The following SLX4 variants were observed in gnomAD, a reference collection of about 807,000 sequenced individuals.
SLX4 encodes the protein SLX4 structure-specific endonuclease subunit, also known as structure-specific endonuclease subunit SLX4.
A neutral mutation model predicts 146.2 loss-of-function variants in SLX4; 112 were observed. That is an observed-to-expected ratio of 0.77 (90% CI 0.66 to 0.90). SLX4 has a LOEUF of 0.90. Among genes scored for constraint, SLX4 ranks in the 40% least tolerant of loss-of-function variants. SLX4 has a pLI of 0.00. For missense variants in SLX4, 2,563 were observed against 2,392.7 expected, an observed-to-expected ratio of 1.07 and a Z score of -1.49; for synonymous variants, 1,061 against 997.7, an observed-to-expected ratio of 1.06 and a Z score of -1.20.
chr16:3,582,407 G>A lies in SLX4; in HGVS notation c.5440C>T (p.Arg1814Cys), dbSNP rs767720336. The stretch of plus-strand genomic sequence containing the variant: ...CTCCTGCCCTGGAGCTTCTCCCTGC[G>A]GGTGGCGGCAGTGGTGAAGGTGATA... ...HCITFTTAAT[R>C]REKLQGRRRQ... Residue 1814 changes from arginine (R) to cysteine (C), a missense_variant, in exon 15 of 15, where the codon CGC (arginine) becomes TGC (cysteine). Physicochemically the swap from Arg to Cys is radical, Grantham distance 180 (BLOSUM62 -3). Coordinates refer to ENST00000294008, the MANE Select transcript of SLX4 (RefSeq NM_032444.4). The A allele has an allele frequency of 4.3e-5, 69 of 1,613,748 alleles. No homozygotes were observed. Among genetic ancestry groups the A allele is most frequent in the Middle Eastern group, 1.6e-4 (1 of 6,062 alleles).
chr16:3,606,688 G>C lies in SLX4; in HGVS notation c.546C>G (p.Pro182=). The change falls in exon 3 of 15, where the codon CCC becomes CCG. Residue 182 remains proline, a synonymous_variant. Coordinates refer to ENST00000294008, the MANE Select transcript of SLX4 (RefSeq NM_032444.4). ...AAGGAGGAGGCTGGGAGTCGCTGTT[G>C]GGCACATTCTCTGGCAAGGAGGAAA... ...LSREKTRENV[P]NSDSQPPPSC... The C allele has an allele frequency of 6.2e-7, 1 of 1,614,078 alleles. No homozygotes were observed. Among genetic ancestry groups the C allele is most frequent in the Non-Finnish European group, 8.5e-7 (1 of 1,180,032 alleles).
At chr16:3,599,553 G>C (rs867224718) in intron 5 of SLX4, among the ~76,000 whole-genome samples, 1 of 152,172 alleles carries the variant, frequency 6.6e-6, no homozygotes, top group African/African-American at 2.4e-5. Context: ...TAAAAAATAG[G>C]GTCCTACACT....
chr16:3,601,556 C>T (rs969429757), intron 4 of SLX4: 1 of 358,162 alleles, frequency 2.8e-6, no homozygotes, highest in Non-Finnish European at 5.3e-6. Flanking sequence ...CAAATGTCCG[C>T]CAATGGACGA....
rs376204133 is a variant in SLX4 at position 3,591,019 on chromosome 16, G to A, written c.2619C>T (p.Ala873=). 1.2e-5 allele frequency: 20 copies of A among 1,614,132 alleles called. No homozygotes were observed. The highest frequency in any genetic ancestry group is 8.8e-5 in the South Asian group (8 of 91,080). ...KLLQEERAAG[A]GEDADWLEGG... ...CCTCCAGCCAGTCAGCGTCCTCGCC[G>A]GCACCCGCTGCCCTTTCTTCCTGGA... is the stretch of plus-strand genomic sequence containing the variant. Residue 873 remains alanine (A), a synonymous_variant, in exon 12 of 15, where the codon GCC becomes GCT. Coordinates refer to ENST00000294008, the MANE Select transcript of SLX4 (RefSeq NM_032444.4).
At chr16:3,595,773 C>T in intron 8 of SLX4, 80 bp from the exon 9 acceptor site, 1 of 1,528,412 alleles carries the variant, frequency 6.5e-7, no homozygotes, top group Non-Finnish European at 9.0e-7. Flanking sequence ...TGACCACAGG[C>T]TGAGCCAGCC....
chr16:3,600,450 C>A (rs2040713212), intron 5 of SLX4, among the ~76,000 whole-genome samples: 1 of 152,116 alleles, frequency 6.6e-6, no homozygotes. Context: ...CTGCACCCCC[C>A]TAAAGGGGCA....
At chr16:3,601,962 G>GT in intron 4 of SLX4, 156 bp downstream of exon 4, 1 of 789,740 alleles carries the variant, frequency 1.3e-6, no homozygotes, top group Non-Finnish European at 2.1e-6. Flanking sequence ...TCTGTGAATT[G>GT]TATCTCAACG....
chr16:3,591,849 C>G (rs1021467902), intron 11 of SLX4, among the ~76,000 whole-genome samples: 1 of 152,128 alleles, frequency 6.6e-6, no homozygotes, highest in Non-Finnish European at 1.5e-5. Context: ...CAGCAAGAGA[C>G]TCTGTCTCTA....
Position 3,609,499 on chromosome 16 carries a change from C to G in SLX4, c.-535G>C, listed in dbSNP as rs960781412. 6.4e-6 allele frequency: 1 copy of G among 155,894 alleles called. No individual in the cohort carries two copies. The highest frequency in any genetic ancestry group is 2.4e-5 in the African/African-American group (1 of 41,446). The allele number at this position is 155,894 out of a possible 1,614,324, so 9.7% of individuals were successfully genotyped here. On this transcript the variant is annotated 5_prime_UTR_variant, in exon 2 of 15. Transcript: ENST00000294008. ...CCTCTGAGATCGAATACATATGAACCTGGTGCTCAGATAATTCTCCAAGAT... is the reference window on the plus strand; with the variant it reads ...CCTCTGAGATCGAATACATATGAACGTGGTGCTCAGATAATTCTCCAAGAT...
intron 3 of SLX4, among the ~76,000 whole-genome samples, chr16:3,604,547 G>A (rs2040762439): frequency 6.6e-6 from 1 of 152,088 alleles, no homozygotes; most frequent in African/African-American, 2.4e-5. Flanking sequence ...GCTTGGCTAG[G>A]CACGGTGGCT....
intron 1 of SLX4, among the ~76,000 whole-genome samples, chr16:3,610,290 T>C (rs185004844): frequency 8.5e-5 from 13 of 152,354 alleles, no homozygotes; most frequent in Non-Finnish European, 1.6e-4. Flanking sequence ...GCTGGCGCAT[T>C]CTCTTCTGTG....
Position 3,591,072 on chromosome 16 carries a change from C to T in SLX4, c.2566G>A (p.Glu856Lys). ...AGCTTTCGCTGAGTAGCTGCAAATTCATAAATTTCTTCCATTTCTGCTTCA... is the reference window on the plus strand; with the variant it reads ...AGCTTTCGCTGAGTAGCTGCAAATTTATAAATTTCTTCCATTTCTGCTTCA... ...VNEAEMEEIY[E>K]FAATQRKLLQ... Residue 856 changes from glutamate (E) to lysine (K), a missense_variant, in exon 12 of 15, where the codon GAA becomes AAA. By Grantham distance (56) the Glu-to-Lys change is moderately conservative. Transcript: ENST00000294008. 1 of 1,614,154 alleles carries T rather than the reference C, an allele frequency of 6.2e-7. No homozygotes were observed. Among genetic ancestry groups the T allele is most frequent in the Non-Finnish European group, 8.5e-7 (1 of 1,180,032 alleles).
In SLX4 at chr16:3,589,015, C is replaced by A; in HGVS notation, c.4623G>T (p.Gly1541=). The stretch of plus-strand genomic sequence containing the variant: ...CTGGCTACTCACTGGGTGTCTCTAA[C>A]CCTTCGGGCTTCTGAGCTCCACCAG... ...PSAGGAQKPE[G]LETPKGANRK... is the part of the protein sequence containing the mutation. The change falls in exon 12 of 15, where the codon GGG becomes GGT. Residue 1541 remains glycine, a synonymous_variant. Coordinates refer to ENST00000294008, the MANE Select transcript of SLX4 (RefSeq NM_032444.4). This position sits in a 1 kb window ranked among gnomAD's most constrained non-coding sequence, Gnocchi z 6.2. 1.2e-6 allele frequency: 2 copies of A among 1,614,096 alleles called. No individual in the cohort carries two copies. The highest frequency in any genetic ancestry group is 1.3e-5 in the African/African-American group (1 of 75,066).
intron 13 of SLX4, 94 bp downstream of exon 13, chr16:3,584,675 C>T: frequency 1.0e-6 from 1 of 979,136 alleles, no homozygotes; most frequent in Non-Finnish European, 1.7e-6. Flanking sequence ...CCAGAGACCA[C>T]ACGGGGGGCC....
In SLX4 at chr16:3,597,243, C is replaced by A; in HGVS notation, c.1683+136G>T. 1.0e-6 allele frequency: 1 copy of A among 962,450 alleles called. No individual in the cohort carries two copies. Among genetic ancestry groups the A allele is most frequent in the Non-Finnish European group, 1.5e-6 (1 of 666,406 alleles). 59.6% of individuals were successfully genotyped at this position (962,450 alleles called of 1,614,324 possible). ...AGAAGAAAGCTGCAGCCACCAAGTG[C>A]CCCTCTGGCCTCCTCCCGCCTCTGC... On this transcript the variant is annotated intron_variant, in intron 7 of 14. Transcript: ENST00000294008. This position sits in a 1 kb window ranked among gnomAD's most constrained non-coding sequence, Gnocchi z 4.4.
intron 9 of SLX4, 89 bp downstream of exon 9, chr16:3,595,516 G>T: frequency 1.4e-6 from 2 of 1,448,278 alleles, no homozygotes; most frequent in Non-Finnish European, 1.9e-6. Flanking sequence ...TGCGTTGGGG[G>T]CCAGAGGCCA....
Position 3,582,032 on chromosome 16 carries a change from G to A in SLX4, c.*310C>T, listed in dbSNP as rs2040441475. ...CACTCCAGCCTAGGTGACACAGCAC[G>A]ACTGTCTCAAAAAGAAAAAAAAAAA... is the stretch of plus-strand genomic sequence containing the variant. On this transcript the variant is annotated 3_prime_UTR_variant, in exon 15 of 15. Coordinates refer to ENST00000294008, the MANE Select transcript of SLX4 (RefSeq NM_032444.4). 4.5e-6 allele frequency: 2 copies of A among 448,842 alleles called. No individual in the cohort carries two copies. Among genetic ancestry groups the A allele is most frequent in the East Asian group, 3.8e-5 (1 of 26,172 alleles). 27.8% of individuals were successfully genotyped at this position (448,842 alleles called of 1,614,324 possible).
rs531954761 is a variant in SLX4, at chr16:3,601,845, T to C, written c.950+273A>G. 1.9e-4 allele frequency: 83 copies of C among 444,290 alleles called. 1 individual carries two copies. The highest frequency in any genetic ancestry group is 2.8e-4 in the Non-Finnish European group (66 of 238,358). The allele number at this position is 444,290 out of a possible 1,614,324, so 27.5% of individuals were successfully genotyped here. A position where few individuals can be genotyped will look rare whatever the true frequency, so the allele number is the denominator to read the frequency against. On this transcript the variant is annotated intron_variant, in intron 4 of 14. Transcript: ENST00000294008. ...GCTGCCAATGGGTGTGGGGATTCTTTTGGGGGTGATGAAAATAATCCAGAA... is the reference window on the plus strand; with the variant it reads ...GCTGCCAATGGGTGTGGGGATTCTTCTGGGGGTGATGAAAATAATCCAGAA...
intron 2 of SLX4, 112 bp downstream of exon 2, chr16:3,608,318 G>A: frequency 2.7e-6 from 3 of 1,101,370 alleles, no homozygotes; most frequent in Non-Finnish European, 4.2e-6. Context: ...CACTATGACA[G>A]CAGAGTTGAG....
Sources: allele counts gnomAD v4.1 joint callset (sites outside exome capture counted in the v4.1 genomes callset), GRCh38; gene constraint gnomAD v4.1.1; non-coding constraint Gnocchi (gnomAD v3.1); transcripts MANE v1.5; gene names NCBI Gene and HGNC (gene_info 2026-07-23, HGNC 2026-07-21).